The following PCDHGB7 variants were observed in gnomAD, a reference collection of about 807,000 sequenced individuals.
PCDHGB7 encodes the protein protocadherin gamma subfamily B, 7.
Under a neutral mutation model 61.4 loss-of-function variants are expected in PCDHGB7, and 37 were observed. That is an observed-to-expected ratio of 0.60 (90% CI 0.46 to 0.79). The LOEUF (loss-of-function observed/expected upper bound fraction) is 0.79, where lower values mean the gene tolerates loss of function less well. Among genes scored for constraint, PCDHGB7 ranks in the 30% least tolerant of loss-of-function variants. PCDHGB7 has a pLI of 0.00. For missense variants in PCDHGB7, 1,166 were observed against 1,202.5 expected (o/e 0.97, Z 0.45); for synonymous variants, 464 against 503.5 (o/e 0.92, Z 1.05).
At chr5:141,437,761 C>G (rs1200327020) in intron 1 of PCDHGB7, among the ~76,000 whole-genome samples, 3 of 144,682 alleles carry the variant, frequency 2.1e-5, no homozygotes, top group Admixed American at 7.0e-5. Flanking sequence ...TTTTTTGAGA[C>G]AGAGTCTCAA....
intron 1 of PCDHGB7, among the ~76,000 whole-genome samples, chr5:141,436,701 A>C (rs571525375): frequency 6.9e-4 from 105 of 152,332 alleles, no homozygotes; most frequent in Non-Finnish European, 9.4e-4. Context: ...ATGCCAGCAC[A>C]CTCGATGTTC....
chr5:141,419,722 G>A lies in PCDHGB7; in HGVS notation c.1863G>A (p.Leu621=), dbSNP rs1194093167. The stretch of plus-strand genomic sequence containing the variant: ...AGCCCGGGCTCTTCAGCCTGGGGCT[G>A]CGAACAGGCGAGGTGCGCATGGTGC... ...ASEPGLFSLG[L]RTGEVRMVRA... The change falls in exon 1 of 4, where the codon CTG becomes CTA. Residue 621 remains leucine, a synonymous_variant. Coordinates refer to ENST00000398594, the MANE Select transcript of PCDHGB7 (RefSeq NM_018927.4). 1.2e-6 allele frequency: 2 copies of A among 1,613,306 alleles called. No homozygotes were observed. Among genetic ancestry groups the A allele is most frequent in the Admixed American group, 1.7e-5 (1 of 60,014 alleles).
intron 3 of PCDHGB7, among the ~76,000 whole-genome samples, chr5:141,509,022 C>G (rs2099873807): frequency 6.6e-6 from 1 of 152,206 alleles, no homozygotes; most frequent in East Asian, 1.9e-4. Context: ...CAGCTGCTCC[C>G]TCCCACTCAA....
chr5:141,487,404 C>T lies in PCDHGB7; in HGVS notation c.2416-7403C>T, dbSNP rs771371344. ...AGATCTCGAAGGAGGGAGGGGCTTC[C>T]CCCTTCCAATGGGATCCTCCGAATC... On this transcript the variant is annotated intron_variant, in intron 1 of 3. Transcript: ENST00000398594. The surrounding 1 kb of genome is among the most constrained non-coding windows in gnomAD (Gnocchi z 5.0). 2 of 1,614,178 alleles carry T rather than the reference C, an allele frequency of 1.2e-6. No homozygotes were observed. Among genetic ancestry groups the T allele is most frequent in the Non-Finnish European group, 8.5e-7 (1 of 1,180,032 alleles).
In PCDHGB7 at chr5:141,485,126, G is replaced by C; in HGVS notation, c.2416-9681G>C. ...TGCTGTGGCTGTTTGGGGCGGGTCG[G>C]CTTCATCCGCGTCTCAGGAGCAAGT... On this transcript the variant is annotated intron_variant, in intron 1 of 3. Transcript: ENST00000398594. The surrounding 1 kb of genome is among the most constrained non-coding windows in gnomAD (Gnocchi z 5.7). 1.4e-6 allele frequency: 2 copies of C among 1,432,378 alleles called. No homozygotes were observed. The highest frequency in any genetic ancestry group is 2.4e-5 in the South Asian group (2 of 81,724). 88.7% of individuals were successfully genotyped at this position (1,432,378 alleles called of 1,614,324 possible). A position where few individuals can be genotyped will look rare whatever the true frequency, so the allele number is the denominator to read the frequency against.
chr5:141,418,512 G>C lies in PCDHGB7; in HGVS notation c.653G>C (p.Gly218Ala), dbSNP rs776986277. 1 of 1,613,966 alleles carries C rather than the reference G, an allele frequency of 6.2e-7. No individual in the cohort carries two copies. The highest frequency in any genetic ancestry group is 8.5e-7 in the Non-Finnish European group (1 of 1,179,880). ...TTGGTACTGACCGCCTTAGATGGTG[G>C]GGACCCTCCCCGAAGCGGTACTGCT... ...HHLVLTALDG[G>A]DPPRSGTAQI... Residue 218 changes from glycine to alanine, a missense_variant, in exon 1 of 4, where the codon GGG becomes GCG. By Grantham distance (60) the Gly-to-Ala change is moderately conservative. Transcript: ENST00000398594.
At chr5:141,503,981 C>T (rs774655880) in intron 2 of PCDHGB7, among the ~76,000 whole-genome samples, 4 of 152,300 alleles carry the variant, frequency 2.6e-5, no homozygotes, top group East Asian at 1.9e-4. Flanking sequence ...CCAAACCCTT[C>T]TTCTTACCTT....
In PCDHGB7 at chr5:141,432,287, G is replaced by A. The variant is rs189131107; in HGVS notation, c.2415+12013G>A. On this transcript the variant is annotated intron_variant, in intron 1 of 3. Transcript: ENST00000398594. This position sits in a 1 kb window ranked among gnomAD's most constrained non-coding sequence, Gnocchi z 6.0. ...ATCGTCCTACGTGTCCATCAACTCC[G>A]ACACTGGGGTACTGTATGCGCTGAG... The A allele has an allele frequency of 2.3e-4, 365 of 1,614,216 alleles. 2 individuals carry two copies. In the East Asian group the frequency reaches 6.5e-3, roughly 29 times the overall value.
rs577770679 is a variant in PCDHGB7, at chr5:141,458,782, G to A, written c.2416-36025G>A. Reference sequence around the variant, plus strand: ...GGGTCTTGCTGTGTCACACAGGCTGGAGTGCAGTGGTGTGATCTCAGCTCA... The same window carrying A: ...GGGTCTTGCTGTGTCACACAGGCTGAAGTGCAGTGGTGTGATCTCAGCTCA... On this transcript the variant is annotated intron_variant, in intron 1 of 3. Coordinates refer to ENST00000398594, the MANE Select transcript of PCDHGB7 (RefSeq NM_018927.4). 3.3e-5 allele frequency among the ~76,000 whole-genome samples: 5 copies of A among 152,020 alleles called. No homozygotes were observed. In the East Asian group the frequency reaches 9.7e-4, roughly 30 times the overall value.
chr5:141,501,343 C>T (rs1202291965), intron 2 of PCDHGB7, among the ~76,000 whole-genome samples: 1 of 150,430 alleles, frequency 6.6e-6, no homozygotes, highest in Non-Finnish European at 1.5e-5. Context: ...ACCCCAAACT[C>T]AATAGGGCAA....
chr5:141,494,894 C>A, intron 2 of PCDHGB7, 29 bp downstream of exon 2: 1 of 1,614,116 alleles, frequency 6.2e-7, no homozygotes, highest in South Asian at 1.1e-5. Flanking sequence ...AGCCCACCCT[C>A]TTCTCTGCGG....
intron 1 of PCDHGB7, among the ~76,000 whole-genome samples, chr5:141,483,755 G>A (rs2099586573): frequency 6.6e-6 from 1 of 152,130 alleles, no homozygotes. Flanking sequence ...TGAGGATCGA[G>A]GCTTGGAAAA....
intron 2 of PCDHGB7, among the ~76,000 whole-genome samples, chr5:141,497,336 A>G (rs558221190): frequency 1.6e-3 from 251 of 152,122 alleles, no homozygotes; most frequent in Non-Finnish European, 2.8e-3. Flanking sequence ...TTCACCATTG[A>G]ACCTGGAAGC....
intron 1 of PCDHGB7, among the ~76,000 whole-genome samples, chr5:141,483,517 CCTGA>C (rs72004558): frequency 0.16 from 24,470 of 151,950 alleles, 2,064 homozygotes; most frequent in African/African-American, 0.21. Context: ...CCCCCTAGAT[CCTGA>C]CTAAGGAAGC....
rs773048793 is a variant in PCDHGB7, at chr5:141,505,456, A to T, written c.2538A>T (p.Gln846His). The T allele has an allele frequency of 1.3e-5, 21 of 1,614,110 alleles. No homozygotes were observed. The highest frequency in any genetic ancestry group is 1.7e-5 in the Non-Finnish European group (20 of 1,180,044). The change falls in exon 3 of 4, where the codon CAA becomes CAT. Residue 846 changes from glutamine (Q) to histidine (H), a missense_variant. By Grantham distance (24) the Gln-to-His change is conservative (BLOSUM62 0). Coordinates refer to ENST00000398594, the MANE Select transcript of PCDHGB7 (RefSeq NM_018927.4). ...ACCAGTTTGACACAGAGATGCTGCA[A>T]GCCATGATCTTGGCGTCCGCCAGTG... ...PNNQFDTEML[Q>H]AMILASASEA...
At chr5:141,503,836 A>G (rs1260399957) in intron 2 of PCDHGB7, among the ~76,000 whole-genome samples, 4 of 152,142 alleles carry the variant, frequency 2.6e-5, no homozygotes, top group Admixed American at 6.5e-5. Flanking sequence ...AAAAGCAGGG[A>G]CAGACCTTGG....
chr5:141,447,775 AT>A (rs1463090729), intron 1 of PCDHGB7, among the ~76,000 whole-genome samples: 2 of 152,212 alleles, frequency 1.3e-5, no homozygotes, highest in Non-Finnish European at 2.9e-5. Flanking sequence ...TTATACTTTA[AT>A]TGAAAATAAA....
intron 1 of PCDHGB7, chr5:141,424,024 C>T: frequency 9.6e-7 from 1 of 1,045,488 alleles, no homozygotes; most frequent in Non-Finnish European, 1.2e-6. Flanking sequence ...GATTCACAAA[C>T]ACTTTTTATT....
intron 1 of PCDHGB7, among the ~76,000 whole-genome samples, chr5:141,430,380 T>C (rs1464446838): frequency 2.7e-5 from 4 of 147,890 alleles, no homozygotes; most frequent in Non-Finnish European, 4.5e-5. Flanking sequence ...AAAAGCTCAT[T>C]GGGAAAAAAA....
Sources: gnomAD v4.1 joint callset for allele counts (sites outside exome capture counted in the v4.1 genomes callset) on GRCh38, gnomAD v4.1.1 for gene constraint, Gnocchi (gnomAD v3.1) non-coding constraint, MANE v1.5 for transcripts, NCBI Gene and HGNC (gene_info 2026-07-23, HGNC 2026-07-21) for gene names.